Variants in RYR2 observed in about 807,000 individuals in gnomAD.
The protein encoded by RYR2 is cardiac muscle ryanodine receptor-calcium release channel.
Under a neutral mutation model 601.1 loss-of-function variants are expected in RYR2, and 227 were observed. That is an observed-to-expected ratio of 0.38 (90% CI 0.34 to 0.42). The LOEUF (loss-of-function observed/expected upper bound fraction) is 0.42, where lower values mean the gene tolerates loss of function less well. RYR2 is among the 10% of genes least tolerant of loss of function. The probability of loss-of-function intolerance (pLI) is 1.00; values close to 1 mark genes in which losing one functional copy is unlikely to be tolerated. For synonymous variants in RYR2, 2,223 were observed against 2,175.1 expected, an observed-to-expected ratio of 1.02 and a Z score of -0.61; for missense variants, 4,646 against 6,156.5, an observed-to-expected ratio of 0.75 and a Z score of 8.21.
At chr1:237,442,619 T>C (rs1377467401) in intron 13 of RYR2, among the ~76,000 whole-genome samples, 1 of 152,224 alleles carries the variant, frequency 6.6e-6, no homozygotes, top group African/African-American at 2.4e-5. Flanking sequence ...ATTCATGCAC[T>C]TATTTATTTT....
At chr1:237,492,057 C>T in intron 18 of RYR2, 133 bp downstream of exon 18, 1 of 563,682 alleles carries the variant, frequency 1.8e-6, no homozygotes, top group Non-Finnish European at 3.2e-6. Context: ...TTTTGAGATG[C>T]AGTCGAGCTC....
chr1:237,213,236 G>T (rs1342332448), intron 1 of RYR2, among the ~76,000 whole-genome samples: 1 of 151,820 alleles, frequency 6.6e-6, no homozygotes, highest in Non-Finnish European at 1.5e-5. Context: ...GGAGTGCAGT[G>T]GTGCAATCAC....
At chr1:237,744,613 T>G (rs139908514) in intron 80 of RYR2, among the ~76,000 whole-genome samples, 8,334 of 151,678 alleles carry the variant, frequency 0.055, 402 homozygotes, top group African/African-American at 0.14. Context: ...CCGAGATTGC[T>G]CCATTGCACT....
intron 10 of RYR2, among the ~76,000 whole-genome samples, chr1:237,395,533 CTTTTTTTT>C (rs71180022): frequency 2.4e-4 from 21 of 87,428 alleles, no homozygotes; most frequent in Admixed American, 1.1e-3. Context: ...GTAGGACTGT[CTTTTTTTT>C]TTTTTTTTTT....
intron 66 of RYR2, 80 bp from the exon 67 acceptor site, chr1:237,705,133 G>T: frequency 2.4e-6 from 3 of 1,266,742 alleles, no homozygotes; most frequent in Non-Finnish European, 3.4e-6. Flanking sequence ...TTCCTTTTAG[G>T]TTAAATTTGC....
rs565806489 is a variant in RYR2, at chr1:237,721,815, C to T, written c.10555-1313C>T. 3.4e-4 allele frequency among the ~76,000 whole-genome samples: 52 copies of T among 152,154 alleles called. 1 individual carries two copies. In the South Asian group the frequency reaches 5.6e-3, roughly 16 times the overall value. Reference sequence around the variant, plus strand: ...GATTACAGGAGTGAGCCACCGTGCCCGGCTGCTTTGTCCATTTTTAATAAC... The same window carrying T: ...GATTACAGGAGTGAGCCACCGTGCCTGGCTGCTTTGTCCATTTTTAATAAC... On this transcript the variant is annotated intron_variant, in intron 73 of 104. Transcript: ENST00000366574.
At chr1:237,177,036 A>C (rs778895990) in intron 1 of RYR2, among the ~76,000 whole-genome samples, 1 of 152,192 alleles carries the variant, frequency 6.6e-6, no homozygotes, top group Non-Finnish European at 1.5e-5. Context: ...TGTAAACAAA[A>C]ACGTTGACTT....
Position 237,503,701 on chromosome 1 carries a change from C to G in RYR2, c.2613+196C>G, listed in dbSNP as rs1171706374. Among the ~76,000 whole-genome samples the G allele has an allele frequency of 6.6e-5, 10 of 152,032 alleles. No homozygotes were observed. The South Asian group carries it at 1.2e-3, about 19-fold the overall frequency. On this transcript the variant is annotated intron_variant, in intron 22 of 104. Coordinates refer to ENST00000366574, the MANE Select transcript of RYR2 (RefSeq NM_001035.3). The stretch of plus-strand genomic sequence containing the variant: ...CCACTCACTCATTTTCTATTCTATT[C>G]TATGTTTTTGTTGTCGTTGTTGTTG...
intron 3 of RYR2, among the ~76,000 whole-genome samples, chr1:237,337,628 G>A (rs906634331): frequency 2.6e-5 from 4 of 152,160 alleles, no homozygotes; most frequent in Admixed American, 1.3e-4. Flanking sequence ...TATAAGTAAA[G>A]TGTGTAGAAC....
chr1:237,415,805 G>A (rs1297562973), intron 10 of RYR2, among the ~76,000 whole-genome samples: 1 of 152,156 alleles, frequency 6.6e-6, no homozygotes, highest in Non-Finnish European at 1.5e-5. Flanking sequence ...CATCTGTGAG[G>A]CAATTTGGGA....
At chr1:237,604,426 T>C (rs1295735938) in intron 35 of RYR2, among the ~76,000 whole-genome samples, 1 of 151,730 alleles carries the variant, frequency 6.6e-6, no homozygotes, top group Non-Finnish European at 1.5e-5. Context: ...TAAAGCAGTG[T>C]GTAGAGGGAA....
intron 48 of RYR2, among the ~76,000 whole-genome samples, chr1:237,646,072 T>G (rs1004531014): frequency 1.6e-4 from 24 of 151,908 alleles, no homozygotes; most frequent in Non-Finnish European, 3.5e-4. Context: ...AGACACGGGG[T>G]TTCACCATGT....
chr1:237,460,455 A>C (rs2150249257), intron 16 of RYR2, among the ~76,000 whole-genome samples: 1 of 152,318 alleles, frequency 6.6e-6, no homozygotes, highest in Admixed American at 6.5e-5. Flanking sequence ...ATGGTGGCCA[A>C]GAAGCTGAAG....
At chr1:237,528,201 G>C (rs943190187) in intron 24 of RYR2, among the ~76,000 whole-genome samples, 1 of 152,150 alleles carries the variant, frequency 6.6e-6, no homozygotes, top group South Asian at 2.1e-4. Flanking sequence ...GAAAAATACT[G>C]TATACTGAAG....
intron 23 of RYR2, 28 bp downstream of exon 23, chr1:237,506,842 A>T: frequency 6.6e-7 from 1 of 1,521,884 alleles, no homozygotes; most frequent in East Asian, 2.3e-5. Context: ...TTATTTTCAG[A>T]TTCTGTGAAT....
At chr1:237,458,408 G>GA (rs1659091652) in intron 16 of RYR2, among the ~76,000 whole-genome samples, 1 of 152,146 alleles carries the variant, frequency 6.6e-6, no homozygotes, top group South Asian at 2.1e-4. Flanking sequence ...CAGCCTAGGT[G>GA]ACAGAATGAG....
Position 237,707,110 on chromosome 1 carries a change from CGTT to C in RYR2, c.9744_9746del (p.Trp3250del). On this transcript the variant is annotated inframe_deletion, in exon 68 of 105. Coordinates refer to ENST00000366574, the MANE Select transcript of RYR2 (RefSeq NM_001035.3). ...GCCCATGCTTTGCAGCTACATGTCT[CGTT>C]GGTGGGAGCATGGACCTGAGAACAA... 1 of 1,613,846 alleles carries C rather than the reference CGTT, an allele frequency of 6.2e-7. No homozygotes were observed. Among genetic ancestry groups the C allele is most frequent in the Non-Finnish European group, 8.5e-7 (1 of 1,179,862 alleles).
At chr1:237,588,251 G>A (rs1352690225) in intron 29 of RYR2, among the ~76,000 whole-genome samples, 1 of 151,996 alleles carries the variant, frequency 6.6e-6, no homozygotes, top group African/African-American at 2.4e-5. Context: ...ACTATATGTT[G>A]CTGCATACAA....
intron 72 of RYR2, 94 bp downstream of exon 72, chr1:237,717,462 C>A: frequency 9.7e-7 from 1 of 1,033,262 alleles, no homozygotes; most frequent in Non-Finnish European, 1.4e-6. Context: ...GTCAATATTT[C>A]ATTTGCATTA....
Sources: allele counts gnomAD v4.1 joint callset (sites outside exome capture counted in the v4.1 genomes callset), GRCh38; gene constraint gnomAD v4.1.1; transcripts MANE v1.5; gene names NCBI Gene and HGNC (gene_info 2026-07-23, HGNC 2026-07-21).